Variants in MIEF1 observed in about 807,000 individuals in gnomAD.
MIEF1 encodes mitochondrial elongation factor 1.
Under a neutral mutation model 35.1 loss-of-function variants are expected in MIEF1, and 14 were observed. That is an observed-to-expected ratio of 0.40 (90% CI 0.26 to 0.62). The LOEUF is 0.62. Among genes scored for constraint, MIEF1 ranks in the 20% least tolerant of loss-of-function variants. The pLI is 0.43. For missense variants in MIEF1, 542 were observed against 615.4 expected, an observed-to-expected ratio of 0.88 and a Z score of 1.26; for synonymous variants, 245 against 254.3, an observed-to-expected ratio of 0.96 and a Z score of 0.35.
chr22:39,512,855 G>A (rs1211122387), intron 5 of MIEF1, among the ~76,000 whole-genome samples: 1 of 152,100 alleles, frequency 6.6e-6, no homozygotes, highest in East Asian at 1.9e-4. Context: ...TGCCATGCCG[G>A]TCAGGCTGGT....
In MIEF1 at chr22:39,504,519, T is replaced by A. The variant is rs924989501; in HGVS notation, c.-23T>A. 26 of 398,294 alleles carry A rather than the reference T, an allele frequency of 6.5e-5. No individual in the cohort carries two copies. The highest frequency in any genetic ancestry group is 5.1e-4 in the African/African-American group (25 of 48,622). 24.7% of individuals were successfully genotyped at this position (398,294 alleles called of 1,614,324 possible). On this transcript the variant is annotated 5_prime_UTR_variant, in exon 2 of 6. Transcript: ENST00000325301. ...CTCTTCCATCCCCATCTTACAGATG[T>A]ATTAAGAAGCCTCAGGTACGTAGGC... is the stretch of plus-strand genomic sequence containing the variant.
intron 5 of MIEF1, among the ~76,000 whole-genome samples, chr22:39,513,285 T>C (rs1030164391): frequency 4.6e-5 from 7 of 151,958 alleles, no homozygotes; most frequent in Non-Finnish European, 1.0e-4. Context: ...GTATTTTTAG[T>C]AGGGGATGGG....
At position 39,513,639 on chromosome 22, in the gene MIEF1, G is replaced by A. The variant is rs1379690149; in HGVS notation, c.708G>A (p.Glu236=). Residue 236 remains glutamate, a synonymous_variant, in exon 6 of 6, where the codon GAG becomes GAA. Transcript: ENST00000325301. ...CTGGCTTCTTCCTGGTGCGTCGTGAGAATCCAGAGTACTTTCCTCGTGGGA... is the reference window on the plus strand; with the variant it reads ...CTGGCTTCTTCCTGGTGCGTCGTGAAAATCCAGAGTACTTTCCTCGTGGGA... ...NVPGFFLVRR[E]NPEYFPRGSS... 3 of 1,614,056 alleles carry A rather than the reference G, an allele frequency of 1.9e-6. No individual in the cohort carries two copies. Among genetic ancestry groups the A allele is most frequent in the African/African-American group, 1.3e-5 (1 of 74,914 alleles).
chr22:39,510,759 AC>A (rs1275444536), intron 2 of MIEF1, among the ~76,000 whole-genome samples: 2 of 152,090 alleles, frequency 1.3e-5, no homozygotes, highest in South Asian at 4.2e-4. Context: ...CTGCTTTATA[AC>A]CTCTGTGAAG....
chr22:39,501,018 T>C (rs1404909013), upstream of MIEF1, among the ~76,000 whole-genome samples: 3 of 151,944 alleles, frequency 2.0e-5, no homozygotes, highest in Non-Finnish European at 2.9e-5. Flanking sequence ...TCTTGATTGG[T>C]CTCCCTGCCT....
chr22:39,514,120 G>A lies in MIEF1; in HGVS notation c.1189G>A (p.Ala397Thr). The part of the protein sequence containing the change: ...NVILHLAQEE[A>T]DWSPDMLADR... The stretch of plus-strand genomic sequence containing the variant: ...CATCCTCCACTTGGCCCAGGAGGAG[G>A]CTGACTGGTCTCCGGATATGCTGGC... Residue 397 changes from alanine to threonine, a missense_variant, in exon 6 of 6, where the codon GCT (alanine) becomes ACT (threonine). Physicochemically the swap from Ala to Thr is moderately conservative, Grantham distance 58 (BLOSUM62 0). Coordinates refer to ENST00000325301, the MANE Select transcript of MIEF1 (RefSeq NM_019008.6). 1 of 1,614,182 alleles carries A rather than the reference G, an allele frequency of 6.2e-7. No homozygotes were observed. Among genetic ancestry groups the A allele is most frequent in the Non-Finnish European group, 8.5e-7 (1 of 1,180,038 alleles).
At chr22:39,502,142 C>A (rs1362245699), upstream of MIEF1, 1 of 152,020 alleles carries the variant, frequency 6.6e-6, no homozygotes, top group Non-Finnish European at 1.5e-5. Context: ...CCGGAGTCCT[C>A]TGGGGGCGGG....
In MIEF1 at chr22:39,512,494, G is replaced by T; in HGVS notation, c.585G>T (p.Gln195His). 6.2e-7 allele frequency: 1 copy of T among 1,606,660 alleles called. No homozygotes were observed. Among genetic ancestry groups the T allele is most frequent in the Non-Finnish European group, 8.5e-7 (1 of 1,175,348 alleles). The change falls in exon 5 of 6, where the codon CAG becomes CAT. Residue 195 changes from glutamine (Q) to histidine (H), a missense_variant and splice_region_variant. Transcript: ENST00000325301. ...YLSGSLYDDL[Q>H]VVTADHIQLI... The stretch of plus-strand genomic sequence containing the variant: ...GTGGCAGCCTCTACGATGACCTGCA[G>T]GTAACAAGGTGGTTCTCATGGTGGG...
intron 5 of MIEF1, 104 bp downstream of exon 5, chr22:39,512,598 C>G: frequency 1.4e-6 from 2 of 1,418,056 alleles, no homozygotes; most frequent in Admixed American, 2.2e-5. Context: ...TGAGGTCTTA[C>G]AGCTTCCGAA....
In MIEF1 at chr22:39,504,449, T is replaced by C. The variant is rs955213712; in HGVS notation, c.-93T>C. 3 of 398,916 alleles carry C rather than the reference T, an allele frequency of 7.5e-6. No individual in the cohort carries two copies. Among genetic ancestry groups the C allele is most frequent in the African/African-American group, 6.2e-5 (3 of 48,616 alleles). 24.7% of individuals were successfully genotyped at this position (398,916 alleles called of 1,614,324 possible). A position where few individuals can be genotyped will look rare whatever the true frequency, so the allele number is the denominator to read the frequency against. On this transcript the variant is annotated 5_prime_UTR_variant, in exon 2 of 6. Coordinates refer to ENST00000325301, the MANE Select transcript of MIEF1 (RefSeq NM_019008.6). ...AATTGGGGAGGATCATTTAGGATCCTCCAAGGGAAAGAGGACAAAGGTGCC... is the reference window on the plus strand; with the variant it reads ...AATTGGGGAGGATCATTTAGGATCCCCCAAGGGAAAGAGGACAAAGGTGCC...
At position 39,515,429 on chromosome 22, in the gene MIEF1, C is replaced by T; in HGVS notation, c.*1106C>T. On this transcript the variant is annotated 3_prime_UTR_variant, in exon 6 of 6. Transcript: ENST00000325301. ...CAGCCAGCCCTTCATCCTCCAGCGTCTGCCATAGGAATGTGAGAGGGGTGT... is the reference window on the plus strand; with the variant it reads ...CAGCCAGCCCTTCATCCTCCAGCGTTTGCCATAGGAATGTGAGAGGGGTGT... 1.4e-6 allele frequency: 1 copy of T among 691,236 alleles called. No individual in the cohort carries two copies. Among genetic ancestry groups the T allele is most frequent in the South Asian group, 1.6e-5 (1 of 62,620 alleles). The allele number at this position is 691,236 out of a possible 1,614,324, so 42.8% of individuals were successfully genotyped here. A position where few individuals can be genotyped will look rare whatever the true frequency, so the allele number is the denominator to read the frequency against.
intron 2 of MIEF1, chr22:39,509,526 A>T (rs1332418884): frequency 6.6e-6 from 1 of 152,268 alleles, no homozygotes; most frequent in Non-Finnish European, 1.5e-5. Context: ...TGAGCACTGC[A>T]CTGGAGGCCA....
At chr22:39,500,746 G>A (rs1355212866), upstream of MIEF1, among the ~76,000 whole-genome samples, 1 of 151,676 alleles carries the variant, frequency 6.6e-6, no homozygotes, top group Non-Finnish European at 1.5e-5. Context: ...CCAGGCTGGA[G>A]TACAGTAGCG....
Position 39,513,595 on chromosome 22 carries a change from G to A in MIEF1, c.664G>A (p.Asp222Asn), listed in dbSNP as rs138446352. 4,618 of 1,614,208 alleles carry A rather than the reference G, an allele frequency of 2.9e-3. 17 individuals are homozygous for A. Among genetic ancestry groups the A allele is most frequent in the Middle Eastern group, 6.8e-3 (41 of 6,062 alleles). ...QNLWSCIPGE[D>N]TIMNVPGFFL... Reference sequence around the variant, plus strand: ...CCTGTGGTCATGTATTCCTGGTGAAGACACCATCATGAATGTCCCTGGCTT... The same window carrying A: ...CCTGTGGTCATGTATTCCTGGTGAAAACACCATCATGAATGTCCCTGGCTT... The change falls in exon 6 of 6, where the codon GAC becomes AAC. Residue 222 changes from aspartate to asparagine, a missense_variant. By Grantham distance (23) the Asp-to-Asn change is conservative. Coordinates refer to ENST00000325301, the MANE Select transcript of MIEF1 (RefSeq NM_019008.6).
chr22:39,504,385 A>G lies in MIEF1; in HGVS notation c.-157A>G. 1 of 399,006 alleles carries G rather than the reference A, an allele frequency of 2.5e-6. No homozygotes were observed. The highest frequency in any genetic ancestry group is 4.4e-5 in the Admixed American group (1 of 22,724). 24.7% of individuals were successfully genotyped at this position (399,006 alleles called of 1,614,324 possible). The stretch of plus-strand genomic sequence containing the variant: ...AAGCTAGAGGACGCTGAGGCCCGGG[A>G]GAGGCAGCTGGAGAAGGGCCTGGTC... On this transcript the variant is annotated 5_prime_UTR_variant, in exon 2 of 6. Transcript: ENST00000325301.
At chr22:39,504,917 C>T (rs866712921) in intron 2 of MIEF1, among the ~76,000 whole-genome samples, 9 of 152,102 alleles carry the variant, frequency 5.9e-5, no homozygotes, top group South Asian at 2.1e-4. Flanking sequence ...AGGGTTGGCC[C>T]GGTGCGGTGG....
At chr22:39,509,827 T>G (rs1052806256) in intron 2 of MIEF1, among the ~76,000 whole-genome samples, 1 of 152,136 alleles carries the variant, frequency 6.6e-6, no homozygotes, top group African/African-American at 2.4e-5. Context: ...TTGGTACATG[T>G]TGTTTTGTGT....
rs1298787756 is a variant in MIEF1, at chr22:39,517,967, C to T, written c.*3644C>T. The T allele has an allele frequency of 9.7e-6, 2 of 205,368 alleles. No individual in the cohort carries two copies. The highest frequency in any genetic ancestry group is 4.7e-5 in the African/African-American group (2 of 42,648). The allele number at this position is 205,368 out of a possible 1,614,324, so 12.7% of individuals were successfully genotyped here. The stretch of plus-strand genomic sequence containing the variant: ...AGCTGGTAGATTTGGAATCAGTCAC[C>T]AGTCTTTCTGTACTGTCTTGGTTAG... On this transcript the variant is annotated 3_prime_UTR_variant, in exon 6 of 6. Coordinates refer to ENST00000325301, the MANE Select transcript of MIEF1 (RefSeq NM_019008.6).
chr22:39,508,789 G>A (rs1930182530), intron 2 of MIEF1, among the ~76,000 whole-genome samples: 1 of 152,172 alleles, frequency 6.6e-6, no homozygotes, highest in African/African-American at 2.4e-5. Context: ...GTACCCCCAA[G>A]GTGTGAACTC....
Sources: allele counts gnomAD v4.1 joint callset (sites outside exome capture counted in the v4.1 genomes callset), GRCh38; gene constraint gnomAD v4.1.1; transcripts MANE v1.5; gene names NCBI Gene and HGNC (gene_info 2026-07-23, HGNC 2026-07-21).